The following ABCG1 variants were observed in gnomAD, a reference collection of about 807,000 sequenced individuals.
The protein encoded by ABCG1 is ATP-binding cassette sub-family G member 1.
Under a neutral mutation model 69.2 loss-of-function variants are expected in ABCG1, and 29 were observed. The ratio of observed to expected loss-of-function variants is 0.42; its 90% CI spans 0.31 to 0.57. ABCG1 has a LOEUF of 0.57. ABCG1 is among the 20% of genes least tolerant of loss of function. The pLI is 0.15. For missense variants in ABCG1, 718 were observed against 898.1 expected (o/e 0.80, Z 2.56); for synonymous variants, 370 against 374.8 (o/e 0.99, Z 0.15).
chr21:42,284,527 C>T (rs757611775), intron 6 of ABCG1, 33 bp from the exon 7 acceptor site: 23 of 1,608,036 alleles, frequency 1.4e-5, no homozygotes, highest in Middle Eastern at 1.6e-4. Flanking sequence ...TCCTGCCGCC[C>T]GCAGGCGTCT....
rs1049466205 is a variant in ABCG1 at position 42,225,736 on chromosome 21, G to A, written c.108G>A (p.Val36=). 1 of 1,610,908 alleles carries A rather than the reference G, an allele frequency of 6.2e-7. No homozygotes were observed. The highest frequency in any genetic ancestry group is 8.5e-7 in the Non-Finnish European group (1 of 1,178,896). ...PKSVCVSVDE[V]VSSNMEATET... ...CGGTGTGTGTCTCGGTGGATGAGGT[G>A]GTGTCCAGCAACATGGAGGCCACTG... The change falls in exon 2 of 15, where the codon GTG becomes GTA. Residue 36 remains valine, a synonymous_variant. Coordinates refer to ENST00000398449, the MANE Select transcript of ABCG1 (RefSeq NM_016818.3).
chr21:42,241,223 C>A (rs575425651), intron 2 of ABCG1, among the ~76,000 whole-genome samples: 1 of 152,222 alleles, frequency 6.6e-6, no homozygotes, highest in Admixed American at 6.5e-5. Context: ...ATCCATTTAT[C>A]GTAAAAGCCA....
chr21:42,240,661 C>A (rs575781419), intron 2 of ABCG1, among the ~76,000 whole-genome samples: 2 of 152,222 alleles, frequency 1.3e-5, no homozygotes, highest in African/African-American at 2.4e-5. Context: ...TTGGCCAGGC[C>A]GGTCTCGAAC....
chr21:42,277,908 A>G (rs2068738787), intron 5 of ABCG1, among the ~76,000 whole-genome samples: 1 of 152,026 alleles, frequency 6.6e-6, no homozygotes, highest in Non-Finnish European at 1.5e-5. Flanking sequence ...GTAAATGTAA[A>G]CCACTTTGGT....
chr21:42,214,316 C>T (rs990156084), upstream of ABCG1, among the ~76,000 whole-genome samples: 1 of 152,252 alleles, frequency 6.6e-6, no homozygotes, highest in Non-Finnish European at 1.5e-5. Context: ...AACAGGCCCT[C>T]ACCTGACACC....
intron 5 of ABCG1, among the ~76,000 whole-genome samples, chr21:42,279,894 T>A (rs751985568): frequency 6.6e-6 from 1 of 152,156 alleles, no homozygotes; most frequent in Non-Finnish European, 1.5e-5. Flanking sequence ...CACCCATAGG[T>A]GTGTGTCCTC....
intron 2 of ABCG1, among the ~76,000 whole-genome samples, chr21:42,261,043 G>A (rs537645889): frequency 2.0e-5 from 3 of 152,036 alleles, no homozygotes; most frequent in Admixed American, 1.3e-4. Context: ...GGATGGTCTC[G>A]ATCTCCTGAC....
chr21:42,260,683 A>G (rs907552137), intron 2 of ABCG1, among the ~76,000 whole-genome samples: 2 of 152,112 alleles, frequency 1.3e-5, no homozygotes, highest in South Asian at 2.1e-4. Flanking sequence ...AGGAGAGGAA[A>G]ATATCCCTTA....
At chr21:42,289,849 T>C (rs902552176) in intron 10 of ABCG1, among the ~76,000 whole-genome samples, 3 of 152,140 alleles carry the variant, frequency 2.0e-5, no homozygotes, top group African/African-American at 7.2e-5. Flanking sequence ...AGCAGGCGTG[T>C]ATGTGTGTGT....
In ABCG1 at chr21:42,219,851, C is replaced by G; in HGVS notation, c.42+547C>G. 6.6e-7 allele frequency: 1 copy of G among 1,521,228 alleles called. No individual in the cohort carries two copies. Among genetic ancestry groups the G allele is most frequent in the East Asian group, 2.5e-5 (1 of 40,548 alleles). 94.2% of individuals were successfully genotyped at this position (1,521,228 alleles called of 1,614,324 possible). On this transcript the variant is annotated intron_variant, in intron 1 of 14. Transcript: ENST00000398449. The surrounding 1 kb of genome is among the most constrained non-coding windows in gnomAD (Gnocchi z 5.3). ...GCGACTGCACTCCCGGGGACACCCT[C>G]TCCCGGACCCACTCGGGGAGGCGGC...
chr21:42,258,947 G>A (rs1407217374), intron 2 of ABCG1, among the ~76,000 whole-genome samples: 10 of 152,184 alleles, frequency 6.6e-5, no homozygotes, highest in East Asian at 5.8e-4. Context: ...AGTTTGAGTC[G>A]TTCACTCCAG....
At chr21:42,286,400 A>C (rs959656406) in intron 8 of ABCG1, among the ~76,000 whole-genome samples, 2 of 152,166 alleles carry the variant, frequency 1.3e-5, no homozygotes, top group Non-Finnish European at 2.9e-5. Flanking sequence ...ATCAGTCTTA[A>C]TCTGTCGTTT....
chr21:42,244,453 T>C (rs899022058), intron 2 of ABCG1, among the ~76,000 whole-genome samples: 6 of 152,192 alleles, frequency 3.9e-5, no homozygotes, highest in African/African-American at 1.2e-4. Flanking sequence ...AACACAGCCA[T>C]TGCCTTGCCA....
Position 42,291,517 on chromosome 21 carries a change from A to G in ABCG1, c.1514A>G (p.Tyr505Cys), listed in dbSNP as rs776230444. 6.2e-7 allele frequency: 1 copy of G among 1,611,772 alleles called. No homozygotes were observed. The highest frequency in any genetic ancestry group is 8.5e-7 in the Non-Finnish European group (1 of 1,178,274). ...TTCCAGATCATGTTCCCAGTGGCCT[A>G]CTGCAGCATCGTGTACTGGATGACG... ...VPFQIMFPVA[Y>C]CSIVYWMTSQ... Residue 505 changes from tyrosine to cysteine, a missense_variant, in exon 13 of 15, where the codon TAC becomes TGC. Tyr to Cys is a radical substitution (Grantham distance 194). Coordinates refer to ENST00000398449, the MANE Select transcript of ABCG1 (RefSeq NM_016818.3). The surrounding 1 kb of genome is among the most constrained non-coding windows in gnomAD (Gnocchi z 6.4).
rs114127900 is a variant in ABCG1, at chr21:42,257,008, C to T, written c.287-14062C>T. 6.5e-3 allele frequency among the ~76,000 whole-genome samples: 991 copies of T among 152,362 alleles called. 14 individuals are homozygous for T. Among genetic ancestry groups the T allele is most frequent in the African/African-American group, 0.022 (932 of 41,580 alleles). Reference sequence around the variant, plus strand: ...TCCAGCAGCAGCCAGTGTTTATTAACCATTTTCTATATGCCGGGCTCAATG... The same window carrying T: ...TCCAGCAGCAGCCAGTGTTTATTAATCATTTTCTATATGCCGGGCTCAATG... On this transcript the variant is annotated intron_variant, in intron 2 of 14. Transcript: ENST00000398449.
In ABCG1 at chr21:42,287,894, G is replaced by A. The variant is rs2068973897; in HGVS notation, c.979G>A (p.Glu327Lys). 1 of 1,583,520 alleles carries A rather than the reference G, an allele frequency of 6.3e-7. No homozygotes were observed. Residue 327 changes from glutamate to lysine, a missense_variant, in exon 9 of 15, where the codon GAG becomes AAG. Transcript: ENST00000398449. This position sits in a 1 kb window ranked among gnomAD's most constrained non-coding sequence, Gnocchi z 6.2. ...TYHNPADFVM[E>K]VASGEYGDQN... Reference sequence around the variant, plus strand: ...CCCGTCTGTGTCTCCTGCAGTCATGGAGGTTGCATCCGGCGAGTACGGTGA... The same window carrying A: ...CCCGTCTGTGTCTCCTGCAGTCATGAAGGTTGCATCCGGCGAGTACGGTGA...
intron 2 of ABCG1, among the ~76,000 whole-genome samples, chr21:42,227,340 A>G (rs4148110): frequency 0.09 from 13,755 of 152,280 alleles, 639 homozygotes; most frequent in South Asian, 0.14. Context: ...CTCAACTTAA[A>G]GAAATATTTT....
At chr21:42,206,038 T>C (rs896081121) in intron 2 of ABCG1, among the ~76,000 whole-genome samples, 1 of 152,224 alleles carries the variant, frequency 6.6e-6, no homozygotes, top group Non-Finnish European at 1.5e-5. Flanking sequence ...GTTATTGATT[T>C]CTAATTTGAT....
Position 42,263,533 on chromosome 21 carries a change from C to T in ABCG1, c.287-7537C>T, listed in dbSNP as rs572907854. 9.9e-5 allele frequency among the ~76,000 whole-genome samples: 15 copies of T among 152,280 alleles called. No homozygotes were observed. The South Asian group carries it at 1.4e-3, about 15-fold the overall frequency. On this transcript the variant is annotated intron_variant, in intron 2 of 14. Coordinates refer to ENST00000398449, the MANE Select transcript of ABCG1 (RefSeq NM_016818.3). ...TGTGAAGCTGTGTATTTATGGTCTGCGCACTTCTCTGTGTTTTCTACACCT... is the reference window on the plus strand; with the variant it reads ...TGTGAAGCTGTGTATTTATGGTCTGTGCACTTCTCTGTGTTTTCTACACCT...
Sources: gnomAD v4.1 joint callset for allele counts (sites outside exome capture counted in the v4.1 genomes callset) on GRCh38, gnomAD v4.1.1 for gene constraint, Gnocchi (gnomAD v3.1) non-coding constraint, MANE v1.5 for transcripts, NCBI Gene and HGNC (gene_info 2026-07-23, HGNC 2026-07-21) for gene names.